Variants in RUFY3 observed in about 807,000 individuals in gnomAD.
RUFY3 encodes the protein protein RUFY3.
RUFY3 carries 34 observed loss-of-function variants against 84.0 expected under a neutral mutation model. The ratio of observed to expected loss-of-function variants is 0.40; its 90% CI spans 0.31 to 0.54. The LOEUF is 0.54. Among genes scored for constraint, RUFY3 ranks in the 20% least tolerant of loss-of-function variants. The pLI is 0.39. For missense variants in RUFY3, 507 were observed against 736.8 expected (o/e 0.69, Z 3.61); for synonymous variants, 242 against 252.9 (o/e 0.96, Z 0.41).
chr4:70,791,910 GA>G (rs984049579), intron 12 of RUFY3: 9 of 974,496 alleles, frequency 9.2e-6, no homozygotes, highest in East Asian at 1.2e-4. Context: ...GGTGACTTTT[GA>G]AAAAAAAAGA....
In RUFY3 at chr4:70,722,338, T is replaced by C; in HGVS notation, c.-236T>C. The C allele has an allele frequency of 8.1e-7, 1 of 1,236,352 alleles. No homozygotes were observed. The highest frequency in any genetic ancestry group is 1.0e-6 in the Non-Finnish European group (1 of 990,872). The allele number at this position is 1,236,352 out of a possible 1,614,324, so 76.6% of individuals were successfully genotyped here. On this transcript the variant is annotated 5_prime_UTR_variant, in exon 1 of 18. Transcript: ENST00000381006. ...ACAAGCATCATCTTATTTTGCTATG[T>C]GGTAGGAACTGTCTATAAGATAGTG...
chr4:70,738,684 C>G (rs1340726355), intron 1 of RUFY3, among the ~76,000 whole-genome samples: 12 of 151,644 alleles, frequency 7.9e-5, no homozygotes, highest in Non-Finnish European at 1.8e-4. Flanking sequence ...TTTTTAACTT[C>G]CATTGCATTA....
At position 70,778,313 on chromosome 4, in the gene RUFY3, G is replaced by A. The variant is rs1030066884; in HGVS notation, c.825-56G>A. ...AAGTGTGAAGGGTTTAAAAAGGAAG[G>A]TACAGAGTATTGTCTGTTTTTCAAA... On this transcript the variant is annotated intron_variant, in intron 7 of 17. Coordinates refer to ENST00000381006, the MANE Select transcript of RUFY3 (RefSeq NM_001037442.4). The A allele has an allele frequency of 2.5e-5, 21 of 854,920 alleles. No individual in the cohort carries two copies. In the South Asian group the frequency reaches 2.6e-4, roughly 11 times the overall value. 53.0% of individuals were successfully genotyped at this position (854,920 alleles called of 1,614,324 possible).
At chr4:70,742,823 C>G (rs1475780915) in intron 1 of RUFY3, among the ~76,000 whole-genome samples, 4 of 152,210 alleles carry the variant, frequency 2.6e-5, no homozygotes, top group Non-Finnish European at 5.9e-5. Context: ...TCTTCTGTTT[C>G]AGCCCTTGCC....
At chr4:70,790,687 C>T (rs886776702) in intron 12 of RUFY3, among the ~76,000 whole-genome samples, 13 of 152,136 alleles carry the variant, frequency 8.5e-5, no homozygotes, top group Non-Finnish European at 1.6e-4. Context: ...ATGTCTCCTC[C>T]GATGCGAGTG....
At chr4:70,768,414 T>G in intron 4 of RUFY3, 124 bp from the exon 5 acceptor site, 1 of 785,574 alleles carries the variant, frequency 1.3e-6, no homozygotes, top group Non-Finnish European at 1.9e-6. Flanking sequence ...TTTTACTATT[T>G]TTGTAGATGG....
intron 14 of RUFY3, among the ~76,000 whole-genome samples, chr4:70,798,227 G>A (rs955193024): frequency 2.0e-5 from 3 of 151,970 alleles, no homozygotes; most frequent in South Asian, 4.1e-4. Flanking sequence ...AAATTATCTC[G>A]GTGTGGTGGC....
At chr4:70,784,909 G>A in intron 10 of RUFY3, 30 bp downstream of exon 10, 1 of 1,486,352 alleles carries the variant, frequency 6.7e-7, no homozygotes, top group Non-Finnish European at 9.2e-7. Flanking sequence ...TAATAGTTCA[G>A]GAATATATTA....
At chr4:70,724,279 C>T (rs1717863679) in intron 1 of RUFY3, among the ~76,000 whole-genome samples, 1 of 152,142 alleles carries the variant, frequency 6.6e-6, no homozygotes, top group South Asian at 2.1e-4. Flanking sequence ...CTGGCAACTG[C>T]CTCAGTTTAC....
rs111242973 is a variant in RUFY3, at chr4:70,732,457, C to T, written c.178+9706C>T. Among the ~76,000 whole-genome samples the T allele has an allele frequency of 7.4e-3, 1,125 of 152,200 alleles. 20 individuals carry two copies. Among genetic ancestry groups the T allele is most frequent in the African/African-American group, 0.026 (1,082 of 41,510 alleles). ...ATGTTACTGTAAAGACACATGCACA[C>T]GTATGTTTATTGCGGCACTATTCAT... On this transcript the variant is annotated intron_variant, in intron 1 of 17. Coordinates refer to ENST00000381006, the MANE Select transcript of RUFY3 (RefSeq NM_001037442.4).
chr4:70,789,682 A>T lies in RUFY3; in HGVS notation c.1337+90A>T, dbSNP rs74787710. 4.1e-6 allele frequency: 6 copies of T among 1,455,820 alleles called. No homozygotes were observed. In the East Asian group the frequency reaches 1.5e-4, roughly 37 times the overall value. 90.2% of individuals were successfully genotyped at this position (1,455,820 alleles called of 1,614,324 possible). Reference sequence around the variant, plus strand: ...TGTACATTCGGCAAATAGAAAATACATGAAATTCTTCCAAATTAGCATCAG... The same window carrying T: ...TGTACATTCGGCAAATAGAAAATACTTGAAATTCTTCCAAATTAGCATCAG... On this transcript the variant is annotated intron_variant, in intron 12 of 17. Coordinates refer to ENST00000381006, the MANE Select transcript of RUFY3 (RefSeq NM_001037442.4).
At chr4:70,797,267 T>G (rs900837958) in intron 14 of RUFY3, among the ~76,000 whole-genome samples, 1 of 152,110 alleles carries the variant, frequency 6.6e-6, no homozygotes, top group Non-Finnish European at 1.5e-5. Flanking sequence ...AACTGATGTC[T>G]TATCCTTTTT....
At chr4:70,730,572 C>CAAAAAAAAA (rs796173421) in intron 1 of RUFY3, among the ~76,000 whole-genome samples, 4 of 106,552 alleles carry the variant, frequency 3.8e-5, no homozygotes, top group African/African-American at 1.0e-4. Flanking sequence ...ACTAAAAATA[C>CAAAAAAAAA]AAAAAAAAAA....
At chr4:70,756,276 G>T (rs1241414410) in intron 1 of RUFY3, among the ~76,000 whole-genome samples, 2 of 152,090 alleles carry the variant, frequency 1.3e-5, no homozygotes, top group African/African-American at 4.8e-5. Context: ...CTCTGCCATT[G>T]CAGTAGACCC....
At chr4:70,773,702 T>C in intron 6 of RUFY3, 130 bp downstream of exon 6, 2 of 606,858 alleles carry the variant, frequency 3.3e-6, no homozygotes, top group Non-Finnish European at 2.9e-6. Context: ...ATAGCTTTAA[T>C]AAAGTCTTGC....
intron 14 of RUFY3, among the ~76,000 whole-genome samples, chr4:70,798,222 A>G (rs1731770827): frequency 6.6e-6 from 1 of 151,836 alleles, no homozygotes; most frequent in East Asian, 1.9e-4. Flanking sequence ...TTTAAAAATT[A>G]TCTCGGTGTG....
intron 5 of RUFY3, among the ~76,000 whole-genome samples, chr4:70,769,587 A>C (rs1384874574): frequency 6.6e-6 from 1 of 152,206 alleles, no homozygotes; most frequent in Non-Finnish European, 1.5e-5. Flanking sequence ...TTCTTAAAAT[A>C]AGACAACAAT....
chr4:70,705,278 C>A, exon 1 of RUFY3: 1 of 1,429,756 alleles, frequency 7.0e-7, no homozygotes, highest in South Asian at 1.4e-5. Context: ...GCGGCAGCAG[C>A]GGCAGCGGCA....
upstream of RUFY3, among the ~76,000 whole-genome samples, chr4:70,721,420 GT>G (rs56842961): frequency 0.1 from 15,014 of 149,290 alleles, 1,594 homozygotes; most frequent in African/African-American, 0.27. Context: ...TTAACTTGAA[GT>G]TTTTTTTTTG....
Sources: gnomAD v4.1 joint callset for allele counts (sites outside exome capture counted in the v4.1 genomes callset) on GRCh38, gnomAD v4.1.1 for gene constraint, MANE v1.5 for transcripts, NCBI Gene and HGNC (gene_info 2026-07-23, HGNC 2026-07-21) for gene names.